The following CCDC62 variants were observed in gnomAD, a reference collection of about 807,000 sequenced individuals.
CCDC62 encodes coiled-coil domain containing 62.
In CCDC62, 72 loss-of-function variants were observed where a neutral mutation model predicts 80.8. The observed-to-expected ratio is 0.89, with a 90% CI of 0.74 to 1.08. The LOEUF is 1.08. Ranked by LOEUF, CCDC62 falls within the 50% of genes least tolerant of loss-of-function variation. The pLI is 0.00. For missense variants in CCDC62, 704 were observed against 809.4 expected (o/e 0.87, Z 1.58); for synonymous variants, 286 against 296.5 (o/e 0.96, Z 0.36).
chr12:122,803,049 C>CT (rs796148162), intron 9 of CCDC62, among the ~76,000 whole-genome samples: 1 of 151,802 alleles, frequency 6.6e-6, no homozygotes, highest in African/African-American at 2.4e-5. Flanking sequence ...TGTCATGGCT[C>CT]TTTTTTTAAA....
At chr12:122,778,084 C>T (rs570458368) in intron 2 of CCDC62, among the ~76,000 whole-genome samples, 9 of 152,136 alleles carry the variant, frequency 5.9e-5, no homozygotes, top group Non-Finnish European at 8.8e-5. Context: ...TATAGCTGTC[C>T]GGCCAGGCAC....
intron 11 of CCDC62, among the ~76,000 whole-genome samples, chr12:122,815,717 G>A (rs1008803446): frequency 1.3e-5 from 2 of 152,140 alleles, no homozygotes; most frequent in South Asian, 2.1e-4. Context: ...AAAATGCTGG[G>A]ATTACAGACG....
Position 122,801,200 on chromosome 12 carries a change from C to T in CCDC62, c.1054C>T (p.Leu352=). The part of the protein sequence containing the change: ...DIKREKNQKS[L]FKDQKFEAML... ...TAAGAGGGAAAAAAATCAGAAGTCA[C>T]TGTTTAAGGACCAGAAATTTGAAGC... Residue 352 remains leucine (L), a synonymous_variant, in exon 9 of 13, where the codon CTG becomes TTG. Coordinates refer to ENST00000253079, the MANE Select transcript of CCDC62 (RefSeq NM_201435.5). 6.2e-7 allele frequency: 1 copy of T among 1,614,002 alleles called. No individual in the cohort carries two copies. The highest frequency in any genetic ancestry group is 1.7e-5 in the Admixed American group (1 of 59,982).
intron 10 of CCDC62, among the ~76,000 whole-genome samples, chr12:122,807,218 TA>T (rs1375028103): frequency 6.6e-6 from 1 of 152,070 alleles, no homozygotes; most frequent in East Asian, 1.9e-4. Flanking sequence ...TTTGTTTCAA[TA>T]AAATTTTAAA....
intron 10 of CCDC62, among the ~76,000 whole-genome samples, chr12:122,807,102 C>T (rs957242613): frequency 2.6e-5 from 4 of 152,004 alleles, no homozygotes; most frequent in African/African-American, 9.7e-5. Context: ...GGTACAGTGC[C>T]TCGTGCCTGT....
At chr12:122,807,417 G>A (rs953899234) in intron 10 of CCDC62, among the ~76,000 whole-genome samples, 1 of 148,620 alleles carries the variant, frequency 6.7e-6, no homozygotes, top group Admixed American at 6.8e-5. Context: ...TGTAATCTCA[G>A]CTACTTGGGA....
chr12:122,820,320 A>G (rs2032349132), intron 11 of CCDC62, among the ~76,000 whole-genome samples: 1 of 152,204 alleles, frequency 6.6e-6, no homozygotes, highest in Non-Finnish European at 1.5e-5. Context: ...CGCACAGCTG[A>G]GCACATTGCC....
At position 122,801,843 on chromosome 12, in the gene CCDC62, C is replaced by G; in HGVS notation, c.1697C>G (p.Ser566Cys). Reference protein sequence around the residue: ...SESICGTQHDSPASELIAIQD... With the variant: ...SESICGTQHDCPASELIAIQD... The stretch of plus-strand genomic sequence containing the variant: ...AGCATCTGTGGCACACAACATGACT[C>G]CCCGGCAAGGTGAGTAACGTTCACA... The change falls in exon 9 of 13, where the codon TCC (serine) becomes TGC (cysteine). Residue 566 changes from serine to cysteine, a missense_variant. Transcript: ENST00000253079. The G allele has an allele frequency of 3.7e-6, 6 of 1,613,340 alleles. No homozygotes were observed. The highest frequency in any genetic ancestry group is 5.1e-6 in the Non-Finnish European group (6 of 1,179,772).
intron 11 of CCDC62, among the ~76,000 whole-genome samples, chr12:122,817,218 A>ATT (rs71085859): frequency 1.1e-3 from 152 of 134,212 alleles, no homozygotes; most frequent in Middle Eastern, 3.6e-3. Flanking sequence ...CGCCTAGCTA[A>ATT]TTTTTTTTTT....
At chr12:122,820,037 G>A (rs1354314345) in intron 11 of CCDC62, among the ~76,000 whole-genome samples, 2 of 128,070 alleles carry the variant, frequency 1.6e-5, no homozygotes, top group East Asian at 4.6e-4. Context: ...ATTCCAGCCT[G>A]AGCGATACAG....
intron 2 of CCDC62, among the ~76,000 whole-genome samples, chr12:122,778,466 AT>A (rs1477550607): frequency 6.6e-6 from 1 of 152,092 alleles, no homozygotes; most frequent in East Asian, 1.9e-4. Context: ...TGAATGTTCC[AT>A]TGACTCTAGA....
In CCDC62 at chr12:122,801,096, C is replaced by T. The variant is rs778701367; in HGVS notation, c.978-28C>T. On this transcript the variant is annotated intron_variant, in intron 8 of 12. Transcript: ENST00000253079. ...GATAGCATCAAGTATATCTTATAAC[C>T]TCCATTTTTTTTCTAATGCCACCAT... is the stretch of plus-strand genomic sequence containing the variant. 21 of 1,580,942 alleles carry T rather than the reference C, an allele frequency of 1.3e-5. No individual in the cohort carries two copies. In the East Asian group the frequency reaches 4.7e-4, roughly 35 times the overall value.
At chr12:122,793,901 G>A (rs987681631) in intron 6 of CCDC62, among the ~76,000 whole-genome samples, 5 of 152,148 alleles carry the variant, frequency 3.3e-5, no homozygotes, top group Admixed American at 2.6e-4. Flanking sequence ...ACCCGTTAAC[G>A]CTGCTAAAGA....
At chr12:122,796,620 G>A (rs12313538) in intron 6 of CCDC62, among the ~76,000 whole-genome samples, 6,802 of 152,026 alleles carry the variant, frequency 0.045, 289 homozygotes, top group East Asian at 0.24. Flanking sequence ...CATTTTGGGA[G>A]GCTGAGGCGG....
intron 11 of CCDC62, among the ~76,000 whole-genome samples, chr12:122,821,378 GC>G (rs1425517044): frequency 6.6e-6 from 1 of 152,214 alleles, no homozygotes; most frequent in Non-Finnish European, 1.5e-5. Context: ...AAGTCAAGAA[GC>G]CTTTGTTGGA....
intron 11 of CCDC62, among the ~76,000 whole-genome samples, chr12:122,816,557 C>G (rs1274437179): frequency 2.6e-5 from 4 of 152,076 alleles, no homozygotes; most frequent in African/African-American, 9.7e-5. Flanking sequence ...AAAACCCCAC[C>G]TCTACAAAAT....
At chr12:122,817,369 A>T (rs1261955196) in intron 11 of CCDC62, among the ~76,000 whole-genome samples, 3 of 149,622 alleles carry the variant, frequency 2.0e-5, no homozygotes, top group Admixed American at 6.7e-5. Context: ...CTATTTTTTT[A>T]TTTTTATTTT....
intron 8 of CCDC62, among the ~76,000 whole-genome samples, chr12:122,799,926 C>T (rs1172371023): frequency 6.6e-6 from 1 of 152,062 alleles, no homozygotes; most frequent in Non-Finnish European, 1.5e-5. Flanking sequence ...GCTGCTGCCG[C>T]TGCCACCAGA....
At chr12:122,779,428 C>A (rs1050799691) in intron 2 of CCDC62, among the ~76,000 whole-genome samples, 15 of 152,102 alleles carry the variant, frequency 9.9e-5, no homozygotes, top group African/African-American at 3.6e-4. Flanking sequence ...AATATTCTCA[C>A]CCTTTAATAG....
Sources: gnomAD v4.1 joint callset for allele counts (sites outside exome capture counted in the v4.1 genomes callset) on GRCh38, gnomAD v4.1.1 for gene constraint, MANE v1.5 for transcripts, NCBI Gene and HGNC (gene_info 2026-07-23, HGNC 2026-07-21) for gene names.